SENP1: variants seen among roughly 807,000 people sequenced by gnomAD.
The protein encoded by SENP1 is sentrin-specific protease 1.
Under a neutral mutation model 93.0 loss-of-function variants are expected in SENP1, and 21 were observed. The ratio of observed to expected loss-of-function variants is 0.23; its 90% CI spans 0.16 to 0.33. The LOEUF (loss-of-function observed/expected upper bound fraction) is 0.33. Ranked by LOEUF, SENP1 falls within the 10% of genes least tolerant of loss-of-function variation. SENP1 has a pLI of 1.00. For missense variants in SENP1, 591 were observed against 758.7 expected (o/e 0.78, Z 2.60); for synonymous variants, 256 against 259.6 (o/e 0.99, Z 0.13).
Position 48,063,776 on chromosome 12 carries a change from T to C in SENP1, c.1341A>G (p.Ala447=), listed in dbSNP as rs745940551. ...CTTTGCGTGTAATGGTCAGGCGAAA[T>C]GCTTCACTGAGAACTTCATCCTGAT... The part of the protein sequence containing the change: ...NGNQDEVLSE[A]FRLTITRKDI... The change falls in exon 13 of 18, where the codon GCA becomes GCG. Residue 447 remains alanine, a synonymous_variant. Transcript: ENST00000549518. The C allele has an allele frequency of 6.2e-6, 10 of 1,613,290 alleles. No homozygotes were observed. The South Asian group carries it at 9.9e-5, about 16-fold the overall frequency.
chr12:48,088,703 T>C, intron 5 of SENP1, 98 bp downstream of exon 5: 1 of 1,155,722 alleles, frequency 8.7e-7, no homozygotes. Context: ...AAAATGGTGT[T>C]ACTCTTTTAA....
At chr12:48,095,917 C>T (rs772647048) in intron 4 of SENP1, among the ~76,000 whole-genome samples, 5 of 152,096 alleles carry the variant, frequency 3.3e-5, no homozygotes, top group Non-Finnish European at 5.9e-5. Flanking sequence ...ACATTTCCTG[C>T]CCTGAAAGAA....
At chr12:48,077,353 T>C (rs762708660) in intron 6 of SENP1, among the ~76,000 whole-genome samples, 40 of 152,350 alleles carry the variant, frequency 2.6e-4, no homozygotes, top group Admixed American at 1.6e-3. Flanking sequence ...AAGACCACTG[T>C]CGTGTAGTTT....
At chr12:48,065,485 A>G (rs1171610659) in intron 11 of SENP1, 111 bp downstream of exon 11, 3 of 715,246 alleles carry the variant, frequency 4.2e-6, no homozygotes, top group Admixed American at 5.0e-5. Context: ...CTATGCTACC[A>G]TACGATCTTG....
intron 3 of SENP1, among the ~76,000 whole-genome samples, chr12:48,097,323 G>C (rs535352017): frequency 1.3e-5 from 2 of 152,066 alleles, no homozygotes; most frequent in Non-Finnish European, 2.9e-5. Flanking sequence ...AAATGATTAT[G>C]GGGGGAGGTG....
intron 6 of SENP1, among the ~76,000 whole-genome samples, chr12:48,079,458 C>T (rs957250826): frequency 2.6e-5 from 4 of 152,128 alleles, no homozygotes; most frequent in African/African-American, 4.8e-5. Flanking sequence ...GAGATCGCGC[C>T]ACTGCACTCC....
intron 3 of SENP1, 56 bp from the exon 4 acceptor site, chr12:48,096,483 C>G (rs1332295048): frequency 1.1e-5 from 12 of 1,097,740 alleles, no homozygotes; most frequent in Non-Finnish European, 4.1e-6. Flanking sequence ...TTGAGACAGT[C>G]TCACTCTTGT....
chr12:48,088,813 C>T lies in SENP1; in HGVS notation c.368G>A (p.Arg123Gln), dbSNP rs1239495661. 3.1e-6 allele frequency: 5 copies of T among 1,609,252 alleles called. No individual in the cohort carries two copies. Among genetic ancestry groups the T allele is most frequent in the Non-Finnish European group, 2.5e-6 (3 of 1,177,822 alleles). ...RNSRSLYLET[R>Q]KTSSGLSNSF... ...ACAAAATACGAACCTTGAGGTCTTTCGGGTTTCGAGGTAAAGACTTCGGCT... is the reference window on the plus strand; with the variant it reads ...ACAAAATACGAACCTTGAGGTCTTTTGGGTTTCGAGGTAAAGACTTCGGCT... The change falls in exon 5 of 18, where the codon CGA (arginine) becomes CAA (glutamine). Residue 123 changes from arginine (R) to glutamine (Q), a missense_variant. Coordinates refer to ENST00000549518, the MANE Select transcript of SENP1 (RefSeq NM_001267594.2).
Position 48,083,589 on chromosome 12 carries a change from A to G in SENP1, c.552+2T>C. On this transcript the variant is annotated splice_donor_variant, in intron 6 of 17. Transcript: ENST00000549518. LOFTEE classifies it high-confidence loss of function. Reference sequence around the variant, plus strand: ...GTAGCTTTTGTCACACGTTTTCCTTACCTCTTCTGCTGTACTAACATGTCG... The same window carrying G: ...GTAGCTTTTGTCACACGTTTTCCTTGCCTCTTCTGCTGTACTAACATGTCG... 6.2e-7 allele frequency: 1 copy of G among 1,611,922 alleles called. No homozygotes were observed. Among genetic ancestry groups the G allele is most frequent in the Non-Finnish European group, 8.5e-7 (1 of 1,179,180 alleles).
chr12:48,051,364 T>C (rs1941802557), intron 13 of SENP1, among the ~76,000 whole-genome samples: 1 of 152,274 alleles, frequency 6.6e-6, no homozygotes, highest in Non-Finnish European at 1.5e-5. Flanking sequence ...GAGAGGAAAA[T>C]GGCCTCCAAA....
Position 48,098,128 on chromosome 12 carries a change from G to A in SENP1, c.5-4C>T. The A allele has an allele frequency of 1.2e-6, 2 of 1,612,398 alleles. No individual in the cohort carries two copies. The highest frequency in any genetic ancestry group is 1.7e-6 in the Non-Finnish European group (2 of 1,179,014). Reference sequence around the variant, plus strand: ...CTCATCCTATCAGCAATATCATCTGGGGAGACAGTCTGGATTAGTTCAAGT... The same window carrying A: ...CTCATCCTATCAGCAATATCATCTGAGGAGACAGTCTGGATTAGTTCAAGT... On this transcript the variant is annotated splice_region_variant and splice_polypyrimidine_tract_variant and intron_variant, in intron 2 of 17. Coordinates refer to ENST00000549518, the MANE Select transcript of SENP1 (RefSeq NM_001267594.2).
chr12:48,096,946 A>G (rs1945609612), intron 3 of SENP1, among the ~76,000 whole-genome samples: 1 of 152,244 alleles, frequency 6.6e-6, no homozygotes, highest in Non-Finnish European at 1.5e-5. Flanking sequence ...TCTCTAAATA[A>G]AGACTATAGC....
intron 9 of SENP1, among the ~76,000 whole-genome samples, chr12:48,068,800 T>C (rs934971909): frequency 6.6e-6 from 1 of 151,888 alleles, no homozygotes; most frequent in Non-Finnish European, 1.5e-5. Context: ...TAACATTATC[T>C]GGCAAAGTCA....
At chr12:48,061,271 C>A (rs1159969676) in intron 13 of SENP1, among the ~76,000 whole-genome samples, 15 of 152,032 alleles carry the variant, frequency 9.9e-5, no homozygotes, top group Admixed American at 9.8e-4. Flanking sequence ...AGTTTTAATA[C>A]ATCTTATAAA....
At chr12:48,063,685 T>C (rs768705149) in intron 13 of SENP1, 25 bp downstream of exon 13, 2 of 1,597,420 alleles carry the variant, frequency 1.3e-6, no homozygotes, top group Non-Finnish European at 1.7e-6. Context: ...TTACTATTTG[T>C]ATGTAAAAAT....
intron 9 of SENP1, among the ~76,000 whole-genome samples, chr12:48,069,175 A>AAAAG (rs1943508987): frequency 2.0e-5 from 3 of 150,810 alleles, no homozygotes; most frequent in Non-Finnish European, 3.0e-5. Flanking sequence ...AAAAAAAAAA[A>AAAAG]AAAGAAAGAA....
chr12:48,089,697 T>C (rs913650641), intron 4 of SENP1, among the ~76,000 whole-genome samples: 1 of 152,224 alleles, frequency 6.6e-6, no homozygotes, highest in Admixed American at 6.5e-5. Context: ...GAATAATTTC[T>C]ATAACCTCCT....
At chr12:48,048,821 CTT>C in intron 14 of SENP1, 106 bp downstream of exon 14, 1 of 788,384 alleles carries the variant, frequency 1.3e-6, no homozygotes, top group South Asian at 1.8e-5. Flanking sequence ...ACTAAACACT[CTT>C]TCTCTCAATA....
intron 10 of SENP1, among the ~76,000 whole-genome samples, chr12:48,065,894 G>T (rs1040309372): frequency 1.3e-5 from 2 of 151,898 alleles, no homozygotes; most frequent in African/African-American, 4.8e-5. Flanking sequence ...ATAGAGATAG[G>T]GTCTCACTAC....
Sources: gnomAD v4.1 joint callset for allele counts (sites outside exome capture counted in the v4.1 genomes callset) on GRCh38, gnomAD v4.1.1 for gene constraint, MANE v1.5 for transcripts, NCBI Gene and HGNC (gene_info 2026-07-23, HGNC 2026-07-21) for gene names.